The following PCSK6 variants were observed in gnomAD, a reference collection of about 807,000 sequenced individuals.
PCSK6 encodes paired basic amino acid cleaving enzyme 4.
In PCSK6, 85 loss-of-function variants were observed where a neutral mutation model predicts 123.3. The ratio of observed to expected loss-of-function variants is 0.69; its 90% CI spans 0.58 to 0.83. The LOEUF (loss-of-function observed/expected upper bound fraction) is 0.83, where lower values mean the gene tolerates loss of function less well. PCSK6 is among the 40% of genes least tolerant of loss of function. The probability of loss-of-function intolerance (pLI) is 0.00; values close to 1 mark genes in which losing one functional copy is unlikely to be tolerated. For synonymous variants in PCSK6, 508 were observed against 516.0 expected (o/e 0.98, Z 0.21); for missense variants, 1,191 against 1,282.3 (o/e 0.93, Z 1.09).
chr15:101,394,491 T>C (rs1390729539), intron 7 of PCSK6, among the ~76,000 whole-genome samples: 1 of 152,176 alleles, frequency 6.6e-6, no homozygotes, highest in African/African-American at 2.4e-5. Flanking sequence ...CTGGATGGGC[T>C]GGTGGTGCAC....
intron 1 of PCSK6, among the ~76,000 whole-genome samples, chr15:101,469,462 C>CG (rs2141230670): frequency 6.6e-6 from 1 of 152,274 alleles, no homozygotes; most frequent in Admixed American, 6.5e-5. Flanking sequence ...GGTGAAGTGC[C>CG]GAGAGACCCT....
In PCSK6 at chr15:101,382,210, C is replaced by T. The variant is rs1272475537; in HGVS notation, c.1415-1G>A. The T allele has an allele frequency of 1.2e-6, 2 of 1,605,704 alleles. No individual in the cohort carries two copies. Among genetic ancestry groups the T allele is most frequent in the Non-Finnish European group, 1.7e-6 (2 of 1,175,630 alleles). On this transcript the variant is annotated splice_acceptor_variant, in intron 10 of 21. Coordinates refer to ENST00000611716, the MANE Select transcript of PCSK6 (RefSeq NM_002570.5). LOFTEE classifies it high-confidence loss of function. ...AAACCAAATCCATAGAAATGGCTAA[C>T]TGAAAAGACAGGCCCTTCAGAGCCA...
intron 6 of PCSK6, among the ~76,000 whole-genome samples, chr15:101,424,357 A>G (rs950315591): frequency 3.3e-5 from 5 of 151,430 alleles, no homozygotes; most frequent in African/African-American, 1.2e-4. Flanking sequence ...ACAACAGAAT[A>G]ACACCTTTAA....
chr15:101,396,534 G>A (rs2042418146), intron 7 of PCSK6, among the ~76,000 whole-genome samples: 1 of 152,074 alleles, frequency 6.6e-6, no homozygotes, highest in Admixed American at 6.5e-5. Context: ...CTTAAATTCA[G>A]CTTAATTTTT....
rs1488547593 is a variant in PCSK6, at chr15:101,324,983, C to A, written c.2244G>T (p.Arg748=). The A allele has an allele frequency of 6.2e-7, 1 of 1,612,944 alleles. No homozygotes were observed. Among genetic ancestry groups the A allele is most frequent in the Non-Finnish European group, 8.5e-7 (1 of 1,179,884 alleles). The change falls in exon 17 of 22, where the codon CGG becomes CGT. Residue 748 remains arginine, a synonymous_variant. Transcript: ENST00000611716. ...FGDTAARRCR[R]CHKGCETCSS... Reference sequence around the variant, plus strand: ...AGCAGGTCTCACACCCCTTGTGGCACCGGCGACAGCGTCTTGCTGCTGTGT... The same window carrying A: ...AGCAGGTCTCACACCCCTTGTGGCAACGGCGACAGCGTCTTGCTGCTGTGT...
intron 12 of PCSK6, among the ~76,000 whole-genome samples, chr15:101,368,906 C>T (rs565614807): frequency 6.6e-6 from 1 of 152,346 alleles, no homozygotes; most frequent in South Asian, 2.1e-4. Flanking sequence ...CGGGGAGCAA[C>T]ATAGCATCAA....
chr15:101,429,537 C>G (rs1364164942), intron 5 of PCSK6, among the ~76,000 whole-genome samples: 1 of 152,164 alleles, frequency 6.6e-6, no homozygotes, highest in African/African-American at 2.4e-5. Flanking sequence ...GAGCTGCGAT[C>G]TGAACCTGGG....
intron 1 of PCSK6, among the ~76,000 whole-genome samples, chr15:101,455,688 A>G (rs2057160799): frequency 6.6e-6 from 1 of 152,176 alleles, no homozygotes. Context: ...CAGCTGCATC[A>G]ATGCCCCAAC....
At chr15:101,484,378 TTTGC>T (rs1311023677) in intron 1 of PCSK6, among the ~76,000 whole-genome samples, 2 of 152,170 alleles carry the variant, frequency 1.3e-5, no homozygotes, top group South Asian at 4.1e-4. Context: ...GTGCTTTGTT[TTTGC>T]TTGTTTTTGT....
chr15:101,473,571 C>T (rs893140487), intron 1 of PCSK6, among the ~76,000 whole-genome samples: 2 of 152,206 alleles, frequency 1.3e-5, no homozygotes, highest in Non-Finnish European at 2.9e-5. Context: ...CACAGAACTC[C>T]ATGGGGAAGA....
intron 12 of PCSK6, 108 bp from the exon 13 acceptor site, chr15:101,366,440 C>G (rs944084114): frequency 1.7e-6 from 2 of 1,183,864 alleles, no homozygotes; most frequent in Non-Finnish European, 1.2e-6. Flanking sequence ...CTGGCTGGAC[C>G]GTACCCCCAG....
At chr15:101,345,323 G>T (rs952589216) in intron 13 of PCSK6, among the ~76,000 whole-genome samples, 1 of 152,074 alleles carries the variant, frequency 6.6e-6, no homozygotes, top group Admixed American at 6.5e-5. Flanking sequence ...ACTTTGTTTT[G>T]GAGTAATTTG....
chr15:101,480,041 G>A (rs183079350), intron 1 of PCSK6, among the ~76,000 whole-genome samples: 24 of 152,308 alleles, frequency 1.6e-4, no homozygotes, highest in Admixed American at 9.8e-4. Context: ...AAACCAAAGC[G>A]GGAAAGTCTG....
At chr15:101,412,592 C>G (rs1457111748) in intron 6 of PCSK6, among the ~76,000 whole-genome samples, 1 of 150,418 alleles carries the variant, frequency 6.6e-6, no homozygotes, top group Non-Finnish European at 1.5e-5. Flanking sequence ...AAAGAGGAAC[C>G]AAGTAGAATT....
At position 101,305,845 on chromosome 15, in the gene PCSK6, C is replaced by T. The variant is rs2039711115; in HGVS notation, c.2813-490G>A. 6.4e-6 allele frequency: 1 copy of T among 156,132 alleles called. No individual in the cohort carries two copies. The highest frequency in any genetic ancestry group is 1.9e-4 in the South Asian group (1 of 5,244). 9.7% of individuals were successfully genotyped at this position (156,132 alleles called of 1,614,324 possible). A position where few individuals can be genotyped will look rare whatever the true frequency, so the allele number is the denominator to read the frequency against. ...GGCAGCCCTTGAAGCCCCTCTCCTGCAATGCACTTGACTCTGGGAGCCCTG... is the reference window on the plus strand; with the variant it reads ...GGCAGCCCTTGAAGCCCCTCTCCTGTAATGCACTTGACTCTGGGAGCCCTG... On this transcript the variant is annotated intron_variant, in intron 21 of 21. Transcript: ENST00000611716. This position sits in a 1 kb window ranked among gnomAD's most constrained non-coding sequence, Gnocchi z 4.8.
chr15:101,336,520 G>A (rs1233964673), intron 13 of PCSK6, among the ~76,000 whole-genome samples: 1 of 152,174 alleles, frequency 6.6e-6, no homozygotes, highest in Non-Finnish European at 1.5e-5. Flanking sequence ...AAAGGTTAAC[G>A]TCGCATTTCT....
At chr15:101,406,511 G>GT (rs563430466) in intron 6 of PCSK6, among the ~76,000 whole-genome samples, 15 of 152,128 alleles carry the variant, frequency 9.9e-5, no homozygotes, top group Middle Eastern at 3.4e-3. Flanking sequence ...TTTTTGTTTT[G>GT]TTTTTTTCAG....
chr15:101,367,507 TC>T (rs1298809444), intron 12 of PCSK6, among the ~76,000 whole-genome samples: 1 of 152,194 alleles, frequency 6.6e-6, no homozygotes, highest in Non-Finnish European at 1.5e-5. Flanking sequence ...GGGGGAAGCA[TC>T]CTGTGCTTTC....
Position 101,398,397 on chromosome 15 carries a change from C to G in PCSK6, c.996+7G>C. 6.2e-7 allele frequency: 1 copy of G among 1,604,634 alleles called. No homozygotes were observed. Among genetic ancestry groups the G allele is most frequent in the Non-Finnish European group, 8.5e-7 (1 of 1,173,016 alleles). On this transcript the variant is annotated splice_region_variant and intron_variant, in intron 7 of 21. Coordinates refer to ENST00000611716, the MANE Select transcript of PCSK6 (RefSeq NM_002570.5). The surrounding 1 kb of genome is among the most constrained non-coding windows in gnomAD (Gnocchi z 4.6). ...GAGCGCTCCCCTGTAGCCCTGGTTA[C>G]TCACACCTTTTTAATGCCATACTCG...
Sources: allele counts gnomAD v4.1 joint callset (sites outside exome capture counted in the v4.1 genomes callset), GRCh38; gene constraint gnomAD v4.1.1; non-coding constraint Gnocchi (gnomAD v3.1); transcripts MANE v1.5; gene names NCBI Gene and HGNC (gene_info 2026-07-23, HGNC 2026-07-21).